Variants in NIPSNAP1 observed in about 807,000 individuals in gnomAD.
NIPSNAP1 encodes nipsnap homolog 1.
A neutral mutation model predicts 49.2 loss-of-function variants in NIPSNAP1; 25 were observed. The ratio of observed to expected loss-of-function variants is 0.51; its 90% CI spans 0.37 to 0.71. The LOEUF (loss-of-function observed/expected upper bound fraction) is 0.71. Ranked by LOEUF, NIPSNAP1 falls within the 30% of genes least tolerant of loss-of-function variation. NIPSNAP1 has a pLI of 0.00. For missense variants in NIPSNAP1, 294 were observed against 361.0 expected (o/e 0.81, Z 1.50); for synonymous variants, 143 against 140.7 (o/e 1.02, Z -0.12).
rs541053169 is a variant in NIPSNAP1 at position 29,577,898 on chromosome 22, T to A, written c.98+3087A>T. Among the ~76,000 whole-genome samples, 304 of 140,386 alleles carry A rather than the reference T, an allele frequency of 2.2e-3. 10 individuals are homozygous for A. The highest frequency in any genetic ancestry group is 8.2e-3 in the African/African-American group (295 of 35,902). 92.1% of individuals were successfully genotyped at this position (140,386 alleles called of 152,430 possible). On this transcript the variant is annotated intron_variant, in intron 1 of 9. Coordinates refer to ENST00000216121, the MANE Select transcript of NIPSNAP1 (RefSeq NM_003634.4). ...CAGGAACACACCACCATGCCTAATT[T>A]TTTTTTTTTTTTTTTTTTGAGACAG...
chr22:29,569,049 G>A (rs74354475), intron 4 of NIPSNAP1, 144 bp downstream of exon 4: 16 of 710,056 alleles, frequency 2.3e-5, no homozygotes, highest in Admixed American at 1.0e-4. Flanking sequence ...ACAGGTATTT[G>A]AGCAGGGGAG....
chr22:29,564,803 C>T (rs574675170), intron 4 of NIPSNAP1, among the ~76,000 whole-genome samples: 1 of 152,278 alleles, frequency 6.6e-6, no homozygotes, highest in Admixed American at 6.5e-5. Flanking sequence ...GATTCTTGAA[C>T]CCTACTCCCA....
chr22:29,564,469 G>A (rs1226029229), intron 4 of NIPSNAP1: 6 of 462,214 alleles, frequency 1.3e-5, no homozygotes, highest in African/African-American at 2.0e-5. Flanking sequence ...GCTGGAGTGC[G>A]GTGGCGTGAT....
rs549356766 is a variant in NIPSNAP1 at position 29,581,048 on chromosome 22, G to T, written c.35C>A (p.Ala12Glu). 2 of 1,539,518 alleles carry T rather than the reference G, an allele frequency of 1.3e-6. No individual in the cohort carries two copies. The part of the protein sequence containing the change: ...APRLCSISVT[A>E]RRLLGGPGPR... ...CCCCGGGCCCCCCAGCAGCCGCCGC[G>T]CCGTCACAGAGATGCTGCACAGCCG... Residue 12 changes from alanine (A) to glutamate (E), a missense_variant, in exon 1 of 10, where the codon GCG becomes GAG. Ala to Glu is a moderately radical substitution (Grantham distance 107, BLOSUM62 -1). Around this residue, in one of 4 missense-constraint regions of NIPSNAP1, gnomAD observed 88 missense variants for 76.1 expected, o/e 1.16. Coordinates refer to ENST00000216121, the MANE Select transcript of NIPSNAP1 (RefSeq NM_003634.4).
intron 1 of NIPSNAP1, among the ~76,000 whole-genome samples, chr22:29,575,583 GCTCT>G (rs1464082030): frequency 6.6e-6 from 1 of 152,110 alleles, no homozygotes; most frequent in African/African-American, 2.4e-5. Flanking sequence ...CTCTCTTCCT[GCTCT>G]CTATCTTGTT....
At chr22:29,556,871 T>TCCCG (rs2064298372) in intron 9 of NIPSNAP1, among the ~76,000 whole-genome samples, 1 of 152,124 alleles carries the variant, frequency 6.6e-6, no homozygotes, top group African/African-American at 2.4e-5. Context: ...TGCCTCAGCC[T>TCCCG]CCCGAGTAGC....
intron 4 of NIPSNAP1, among the ~76,000 whole-genome samples, chr22:29,562,698 A>G (rs2146604735): frequency 6.6e-6 from 1 of 152,282 alleles, no homozygotes; most frequent in African/African-American, 2.4e-5. Flanking sequence ...TCTCAAAAAA[A>G]AAGAGATTGA....
intron 3 of NIPSNAP1, among the ~76,000 whole-genome samples, chr22:29,569,711 C>T (rs1451933911): frequency 1.3e-5 from 2 of 151,252 alleles, no homozygotes; most frequent in African/African-American, 4.9e-5. Flanking sequence ...GAAAATGGGG[C>T]CAAACGCAGT....
chr22:29,571,059 C>T (rs2064404390), intron 1 of NIPSNAP1, among the ~76,000 whole-genome samples: 1 of 152,158 alleles, frequency 6.6e-6, no homozygotes, highest in African/African-American at 2.4e-5. Context: ...GAGAAGACTG[C>T]TCTCACCGTC....
intron 1 of NIPSNAP1, among the ~76,000 whole-genome samples, chr22:29,579,272 A>G (rs2064478495): frequency 7.1e-6 from 1 of 140,296 alleles, no homozygotes; most frequent in African/African-American, 2.8e-5. Context: ...TTTCACCAAC[A>G]TGGTGAAATT....
chr22:29,555,951 A>C lies in NIPSNAP1; in HGVS notation c.839T>G (p.Ile280Ser). The change falls in exon 10 of 10, where the codon ATC (isoleucine) becomes AGC (serine). Residue 280 changes from isoleucine to serine, a missense_variant. By Grantham distance (142) the Ile-to-Ser change is moderately radical. Transcript: ENST00000216121. ...MESRIMIPLK[I>S]SPLQ Reference sequence around the variant, plus strand: ...TAGGCAGCATCACTGCAGAGGCGAGATCTTCAAGGGGATCATGATCCTAGA... The same window carrying C: ...TAGGCAGCATCACTGCAGAGGCGAGCTCTTCAAGGGGATCATGATCCTAGA... 1 of 1,551,806 alleles carries C rather than the reference A, an allele frequency of 6.4e-7. No homozygotes were observed. The highest frequency in any genetic ancestry group is 1.2e-5 in the South Asian group (1 of 84,066).
At chr22:29,563,177 A>G (rs1012630768) in intron 4 of NIPSNAP1, among the ~76,000 whole-genome samples, 1 of 151,964 alleles carries the variant, frequency 6.6e-6, no homozygotes, top group Non-Finnish European at 1.5e-5. Flanking sequence ...GAGGCAGGAG[A>G]ATCGCTTGAA....
intron 1 of NIPSNAP1, among the ~76,000 whole-genome samples, chr22:29,571,727 G>GT (rs2064409201): frequency 6.6e-6 from 1 of 151,986 alleles, no homozygotes; most frequent in African/African-American, 2.4e-5. Context: ...TTTCTCTTTT[G>GT]TTTTTTCCAA....
chr22:29,574,830 G>A (rs1004350126), intron 1 of NIPSNAP1, among the ~76,000 whole-genome samples: 19 of 151,686 alleles, frequency 1.3e-4, no homozygotes, highest in African/African-American at 4.6e-4. Flanking sequence ...AGTGCGGTCT[G>A]TGAAGTTTTT....
At chr22:29,564,337 T>C (rs768310709) in intron 4 of NIPSNAP1, 5 of 470,948 alleles carry the variant, frequency 1.1e-5, no homozygotes, top group Non-Finnish European at 1.3e-5. Context: ...GCAAAAGTAC[T>C]GTATGGATAG....
intron 1 of NIPSNAP1, among the ~76,000 whole-genome samples, chr22:29,576,177 C>T (rs1180465606): frequency 6.6e-6 from 1 of 150,738 alleles, no homozygotes; most frequent in African/African-American, 2.5e-5. Flanking sequence ...TGCTACCACA[C>T]CCGGCTAATT....
chr22:29,554,952 C>A lies in NIPSNAP1; in HGVS notation c.*983G>T, dbSNP rs1569243290. On this transcript the variant is annotated 3_prime_UTR_variant, in exon 10 of 10. Coordinates refer to ENST00000216121, the MANE Select transcript of NIPSNAP1 (RefSeq NM_003634.4). ...CCAGAGTCACTGACCCCTCCCGCCA[C>A]CTCCACACACCAGGTGGCCCTGCAG... 6.6e-6 allele frequency: 1 copy of A among 152,646 alleles called. No individual in the cohort carries two copies. Among genetic ancestry groups the A allele is most frequent in the Non-Finnish European group, 1.5e-5 (1 of 68,108 alleles). The allele number at this position is 152,646 out of a possible 1,614,324, so 9.5% of individuals were successfully genotyped here.
intron 4 of NIPSNAP1, among the ~76,000 whole-genome samples, chr22:29,562,665 T>G (rs935328937): frequency 6.6e-6 from 1 of 151,540 alleles, no homozygotes; most frequent in Non-Finnish European, 1.5e-5. Context: ...CACTCCAACC[T>G]GGGCAACAAG....
chr22:29,575,738 G>A (rs1342184688), intron 1 of NIPSNAP1, among the ~76,000 whole-genome samples: 1 of 147,060 alleles, frequency 6.8e-6, no homozygotes, highest in Non-Finnish European at 1.5e-5. Flanking sequence ...TGTTTGAGAT[G>A]GAGTCTCAGT....
Sources: allele counts gnomAD v4.1 joint callset (sites outside exome capture counted in the v4.1 genomes callset), GRCh38; gene constraint gnomAD v4.1.1; regional missense constraint gnomAD v4.1.1; transcripts MANE v1.5; gene names NCBI Gene and HGNC (gene_info 2026-07-23, HGNC 2026-07-21).